The following PHYKPL variants were observed in gnomAD, a reference collection of about 807,000 sequenced individuals.
PHYKPL encodes the protein 5-phosphonooxy-L-lysine phospho-lyase.
In PHYKPL, 42 loss-of-function variants were observed where a neutral mutation model predicts 51.3. That is an observed-to-expected ratio of 0.82 (90% CI 0.64 to 1.06). The LOEUF (loss-of-function observed/expected upper bound fraction) is 1.06. PHYKPL is among the 50% of genes least tolerant of loss of function. PHYKPL has a pLI of 0.00. For synonymous variants in PHYKPL, 264 were observed against 236.0 expected, an observed-to-expected ratio of 1.12 and a Z score of -1.09; for missense variants, 655 against 586.6, an observed-to-expected ratio of 1.12 and a Z score of -1.20.
chr5:178,207,758 G>C (rs901364639), downstream of PHYKPL, among the ~76,000 whole-genome samples: 1 of 134,492 alleles, frequency 7.4e-6, no homozygotes, highest in East Asian at 2.3e-4. Context: ...GCTGGGGTGC[G>C]GTAACACAAT....
chr5:178,232,003 C>T (rs1247181968), intron 1 of PHYKPL: 9 of 1,203,340 alleles, frequency 7.5e-6, no homozygotes, highest in Non-Finnish European at 9.5e-6. Context: ...CCTCACCCAC[C>T]GTCCCACCGA....
intron 2 of PHYKPL, 66 bp from the exon 3 acceptor site, chr5:178,230,165 G>GC (rs1294345978): frequency 1.9e-5 from 31 of 1,594,046 alleles, no homozygotes; most frequent in Non-Finnish European, 2.3e-5. Context: ...GCCTCCCCCA[G>GC]CCCCAAGCTA....
At chr5:178,232,808 T>C, upstream of PHYKPL, 1 of 303,572 alleles carries the variant, frequency 3.3e-6, no homozygotes, top group Non-Finnish European at 5.6e-6. Flanking sequence ...CGTCTCTGGT[T>C]CCGGGACGCG....
intron 3 of PHYKPL, 81 bp downstream of exon 3, chr5:178,229,859 T>A: frequency 6.5e-7 from 1 of 1,538,938 alleles, no homozygotes. Flanking sequence ...CTCGGTCAGC[T>A]ACACTACACT....
intron 8 of PHYKPL, 32 bp from the exon 9 acceptor site, chr5:178,215,462 C>G: frequency 6.3e-7 from 1 of 1,587,648 alleles, no homozygotes. Context: ...TGTCAGATGC[C>G]CTGGCAGAGT....
Position 178,214,787 on chromosome 5 carries a change from A to G in PHYKPL, c.1172+9T>C. ...CTCCAGGAAGCAACTTGTTTCAAGAAGAAAATACCTTGATACCAAGTAGGC... is the reference window on the plus strand; with the variant it reads ...CTCCAGGAAGCAACTTGTTTCAAGAGGAAAATACCTTGATACCAAGTAGGC... On this transcript the variant is annotated intron_variant, in intron 10 of 12. Coordinates refer to ENST00000308158, the MANE Select transcript of PHYKPL (RefSeq NM_153373.4). The G allele has an allele frequency of 6.2e-7, 1 of 1,613,686 alleles. No homozygotes were observed. The highest frequency in any genetic ancestry group is 8.5e-7 in the Non-Finnish European group (1 of 1,179,788).
intron 8 of PHYKPL, among the ~76,000 whole-genome samples, chr5:178,218,637 G>C (rs191676599): frequency 1.2e-3 from 182 of 152,316 alleles, no homozygotes; most frequent in African/African-American, 4.3e-3. Flanking sequence ...GCAGCCTTCA[G>C]AACAGTGAGA....
At chr5:178,213,901 C>T (rs1348771313) in intron 10 of PHYKPL, among the ~76,000 whole-genome samples, 1 of 152,216 alleles carries the variant, frequency 6.6e-6, no homozygotes, top group Non-Finnish European at 1.5e-5. Flanking sequence ...CTGCAGGTGA[C>T]TTACCCATTT....
intron 12 of PHYKPL, chr5:178,210,521 A>G (rs1229769004): frequency 3.6e-5 from 58 of 1,606,406 alleles, no homozygotes; most frequent in Non-Finnish European, 4.8e-5. Context: ...ATGCTTGTAA[A>G]TAGTAGCTGC....
intron 12 of PHYKPL, chr5:178,210,360 T>G (rs1368250382): frequency 6.3e-7 from 1 of 1,598,218 alleles, no homozygotes; most frequent in Non-Finnish European, 8.5e-7. Flanking sequence ...AGCAGGGGCT[T>G]TGGAGTCAGA....
chr5:178,223,427 T>C (rs1206717559), intron 6 of PHYKPL: 1 of 456,342 alleles, frequency 2.2e-6, no homozygotes, highest in Non-Finnish European at 4.4e-6. Flanking sequence ...TGATGATGCC[T>C]CAACCCAGAG....
chr5:178,222,612 T>A, intron 7 of PHYKPL, 32 bp from the exon 8 acceptor site: 1 of 1,606,844 alleles, frequency 6.2e-7, no homozygotes, highest in Non-Finnish European at 8.5e-7. Context: ...ACACGGGGGC[T>A]GTGGTTGAGA....
chr5:178,224,066 G>C (rs1400197316), intron 6 of PHYKPL: 1 of 216,552 alleles, frequency 4.6e-6, no homozygotes, highest in Non-Finnish European at 9.2e-6. Flanking sequence ...GTGCCCTCTG[G>C]CATGTGGACC....
rs1188001449 is a variant in PHYKPL, at chr5:178,222,458, G to T, written c.824C>A (p.Thr275Asn). Residue 275 changes from threonine (T) to asparagine (N), a missense_variant, in exon 8 of 13, where the codon ACC (threonine) becomes AAC (asparagine). Coordinates refer to ENST00000308158, the MANE Select transcript of PHYKPL (RefSeq NM_153373.4). Reference sequence around the variant, plus strand: ...GCCGTTGCCAATGGACTTGCCCATGGTGACGATGTCAGGGACGAAGTCTTT... The same window carrying T: ...GCCGTTGCCAATGGACTTGCCCATGTTGACGATGTCAGGGACGAAGTCTTT... ...QGKDFVPDIV[T>N]MGKSIGNGHP... 1 of 1,614,174 alleles carries T rather than the reference G, an allele frequency of 6.2e-7. No individual in the cohort carries two copies. Among genetic ancestry groups the T allele is most frequent in the African/African-American group, 1.3e-5 (1 of 74,962 alleles).
intron 3 of PHYKPL, 160 bp from the exon 4 acceptor site, chr5:178,225,589 T>C (rs868804542): frequency 7.6e-6 from 5 of 657,192 alleles, no homozygotes; most frequent in South Asian, 5.3e-5. Flanking sequence ...ATGCCTCCTA[T>C]GTACTAGAAG....
chr5:178,228,532 T>C (rs945744222), intron 3 of PHYKPL: 1 of 702,258 alleles, frequency 1.4e-6, no homozygotes, highest in Non-Finnish European at 2.6e-6. Context: ...AGGCTCCAGC[T>C]CTTGACATGG....
downstream of PHYKPL, chr5:178,207,211 G>A: frequency 5.0e-6 from 8 of 1,614,190 alleles, no homozygotes; most frequent in Non-Finnish European, 6.8e-6. Context: ...GTTCCATACT[G>A]TCAGTGGAAG....
intron 3 of PHYKPL, chr5:178,228,448 G>C: frequency 1.5e-6 from 1 of 687,232 alleles, no homozygotes. Context: ...AATCCACACA[G>C]AATAAAGCTG....
intron 10 of PHYKPL, among the ~76,000 whole-genome samples, chr5:178,213,917 C>T (rs1759192288): frequency 1.3e-5 from 2 of 152,350 alleles, no homozygotes; most frequent in South Asian, 4.1e-4. Flanking sequence ...CATTTCCTCA[C>T]TGAACTGGAA....
Sources: gnomAD v4.1 joint callset for allele counts (sites outside exome capture counted in the v4.1 genomes callset) on GRCh38, gnomAD v4.1.1 for gene constraint, MANE v1.5 for transcripts, NCBI Gene and HGNC (gene_info 2026-07-23, HGNC 2026-07-21) for gene names.